UBE2O: variants seen among roughly 807,000 people sequenced by gnomAD.
UBE2O encodes the protein (E3-independent) E2 ubiquitin-conjugating enzyme.
A neutral mutation model predicts 125.8 loss-of-function variants in UBE2O; 15 were observed. The observed-to-expected ratio is 0.12, with a 90% CI of 0.08 to 0.18. The LOEUF is 0.18. Among genes scored for constraint, UBE2O ranks in the 10% least tolerant of loss-of-function variants. UBE2O has a pLI of 1.00. For missense variants in UBE2O, 1,280 were observed against 1,723.6 expected (o/e 0.74, Z 4.56); for synonymous variants, 708 against 703.2 (o/e 1.01, Z -0.11).
At chr17:76,422,983 C>T (rs1001565968) in intron 1 of UBE2O, among the ~76,000 whole-genome samples, 3 of 152,232 alleles carry the variant, frequency 2.0e-5, no homozygotes, top group Admixed American at 2.0e-4. Context: ...ATGCCTGATG[C>T]TGCTGAGAGA....
rs1395403577 is a variant in UBE2O, at chr17:76,404,629, T to A, written c.588+577A>T. Among the ~76,000 whole-genome samples, 3 of 152,204 alleles carry A rather than the reference T, an allele frequency of 2.0e-5. No individual in the cohort carries two copies. ...GTAATTATCAACGTTGATTTCCCAA[T>A]CTGGGGGTTATATGGTGGTTGCACA... On this transcript the variant is annotated intron_variant, in intron 3 of 17. Transcript: ENST00000319380. This position sits in a 1 kb window ranked among gnomAD's most constrained non-coding sequence, Gnocchi z 4.3.
Position 76,391,259 on chromosome 17 carries a change from C to A in UBE2O, c.3563G>T (p.Gly1188Val). Residue 1188 changes from glycine to valine, a missense_variant, in exon 18 of 18, where the codon GGA becomes GTA. Physicochemically the swap from Gly to Val is moderately radical, Grantham distance 109. Transcript: ENST00000319380. The surrounding 1 kb of genome is among the most constrained non-coding windows in gnomAD (Gnocchi z 8.4). ...GGAGGCCTCTCCTGGGGCTGGCCCT[C>A]CATCCTCAGGTTCTTGTTGGCCGGA... is the stretch of plus-strand genomic sequence containing the variant. ...SDSGQQEPED[G>V]GPAPGEASQG... 1 of 1,613,220 alleles carries A rather than the reference C, an allele frequency of 6.2e-7. No individual in the cohort carries two copies. Among genetic ancestry groups the A allele is most frequent in the South Asian group, 1.1e-5 (1 of 91,078 alleles).
chr17:76,444,341 G>A (rs1280646104), intron 1 of UBE2O, among the ~76,000 whole-genome samples: 1 of 152,198 alleles, frequency 6.6e-6, no homozygotes, highest in Non-Finnish European at 1.5e-5. Flanking sequence ...TTGGGGTCAG[G>A]AGTTCGAGAC....
Position 76,399,114 on chromosome 17 carries a change from T to G in UBE2O, c.1629-123A>C. The G allele has an allele frequency of 7.6e-7, 1 of 1,313,026 alleles. No homozygotes were observed. The highest frequency in any genetic ancestry group is 1.0e-6 in the Non-Finnish European group (1 of 972,402). The allele number at this position is 1,313,026 out of a possible 1,614,324, so 81.3% of individuals were successfully genotyped here. Reference sequence around the variant, plus strand: ...TAACCTGAAACTCTGAATCCCAGGTTGGCAGGATGAGTCTCTGGTGCACAG... The same window carrying G: ...TAACCTGAAACTCTGAATCCCAGGTGGGCAGGATGAGTCTCTGGTGCACAG... On this transcript the variant is annotated intron_variant, in intron 9 of 17. Transcript: ENST00000319380. This position sits in a 1 kb window ranked among gnomAD's most constrained non-coding sequence, Gnocchi z 6.9.
intron 1 of UBE2O, among the ~76,000 whole-genome samples, chr17:76,438,320 G>A (rs556850686): frequency 6.6e-6 from 1 of 152,156 alleles, no homozygotes; most frequent in Admixed American, 6.5e-5. Flanking sequence ...ATTTAAAAAT[G>A]GTTAAAATGG....
rs2072308823 is a variant in UBE2O, at chr17:76,400,743, C to T, written c.895-193G>A. 6.6e-6 allele frequency among the ~76,000 whole-genome samples: 1 copy of T among 152,206 alleles called. No homozygotes were observed. The highest frequency in any genetic ancestry group is 2.4e-5 in the African/African-American group (1 of 41,440). On this transcript the variant is annotated intron_variant, in intron 6 of 17. Transcript: ENST00000319380. This position sits in a 1 kb window ranked among gnomAD's most constrained non-coding sequence, Gnocchi z 4.3. ...CCAATGCCCAGGACCAGTGTCACTG[C>T]TCATACCAGCCAGGGGCCACTGGAA...
chr17:76,413,345 G>A (rs965611868), intron 1 of UBE2O, among the ~76,000 whole-genome samples: 4 of 152,070 alleles, frequency 2.6e-5, no homozygotes, highest in African/African-American at 7.2e-5. Flanking sequence ...TGCGGAAATC[G>A]TAGAATGGCA....
intron 1 of UBE2O, among the ~76,000 whole-genome samples, chr17:76,434,184 C>T (rs1412998967): frequency 6.6e-6 from 1 of 152,112 alleles, no homozygotes; most frequent in African/African-American, 2.4e-5. Flanking sequence ...GCGAAATGAC[C>T]CCGAGGATCC....
At chr17:76,419,531 A>G (rs974354211) in intron 1 of UBE2O, among the ~76,000 whole-genome samples, 2 of 152,078 alleles carry the variant, frequency 1.3e-5, no homozygotes, top group South Asian at 4.2e-4. Context: ...TCCCTGACAC[A>G]CCCTTCCTGT....
At chr17:76,441,377 G>C (rs1379073137) in intron 1 of UBE2O, among the ~76,000 whole-genome samples, 1 of 152,192 alleles carries the variant, frequency 6.6e-6, no homozygotes, top group Non-Finnish European at 1.5e-5. Context: ...CAATGGGGAG[G>C]AAGAAAGAGG....
chr17:76,395,166 G>A lies in UBE2O; in HGVS notation c.2946+559C>T, dbSNP rs1446799959. ...GCTGGGATTACAGTCGTGAGCCACC[G>A]CACCCGGCCTATTTCAAAGTAATTT... On this transcript the variant is annotated intron_variant, in intron 15 of 17. Coordinates refer to ENST00000319380, the MANE Select transcript of UBE2O (RefSeq NM_022066.4). The surrounding 1 kb of genome is among the most constrained non-coding windows in gnomAD (Gnocchi z 5.0). Among the ~76,000 whole-genome samples the A allele has an allele frequency of 1.3e-5, 2 of 151,196 alleles. No individual in the cohort carries two copies. The highest frequency in any genetic ancestry group is 2.9e-5 in the Non-Finnish European group (2 of 67,892).
rs1262201057 is a variant in UBE2O, at chr17:76,400,163, C to T, written c.1139G>A (p.Gly380Asp). 1 of 1,613,872 alleles carries T rather than the reference C, an allele frequency of 6.2e-7. No individual in the cohort carries two copies. The highest frequency in any genetic ancestry group is 1.3e-5 in the African/African-American group (1 of 74,934). ...AGGACATACCTTCTTGGCCATAGAG[C>T]CCTCCCCCTGGGCGCAGTTTTTTTC... ...CPEKNCAQGE[G>D]SMAKKVKRLL... is the part of the protein sequence containing the mutation. The change falls in exon 8 of 18, where the codon GGC becomes GAC. Residue 380 changes from glycine to aspartate, a missense_variant. Physicochemically the swap from Gly to Asp is moderately conservative, Grantham distance 94. This residue lies in a region of UBE2O where 141 missense variants were observed against 141.3 expected (regional missense o/e 1.00). Transcript: ENST00000319380. This position sits in a 1 kb window ranked among gnomAD's most constrained non-coding sequence, Gnocchi z 4.3.
chr17:76,417,539 C>G (rs1040637662), intron 1 of UBE2O, among the ~76,000 whole-genome samples: 1 of 152,182 alleles, frequency 6.6e-6, no homozygotes, highest in African/African-American at 2.4e-5. Context: ...GGTCAAAATT[C>G]TCTACCCCCT....
chr17:76,420,824 C>T (rs2072698778), intron 1 of UBE2O, among the ~76,000 whole-genome samples: 1 of 152,074 alleles, frequency 6.6e-6, no homozygotes, highest in African/African-American at 2.4e-5. Context: ...TGTCTGTGGC[C>T]ACAGAAAGCC....
rs374498059 is a variant in UBE2O, at chr17:76,417,005, TG to T, written c.418-11434del. ...GCTTCAGGGCACAGGGACCAGGTCC[TG>T]CAGGGGCCACAGAGTTGCCACTCCC... is the stretch of plus-strand genomic sequence containing the variant. On this transcript the variant is annotated intron_variant, in intron 1 of 17. Transcript: ENST00000319380. Among the ~76,000 whole-genome samples, 515 of 152,338 alleles carry T rather than the reference TG, an allele frequency of 3.4e-3. 5 individuals carry two copies. The highest frequency in any genetic ancestry group is 0.012 in the African/African-American group (490 of 41,580).
Position 76,399,731 on chromosome 17 carries a change from C to T in UBE2O, c.1346G>A (p.Gly449Asp). The T allele has an allele frequency of 6.2e-7, 1 of 1,614,200 alleles. No individual in the cohort carries two copies. Among genetic ancestry groups the T allele is most frequent in the South Asian group, 1.1e-5 (1 of 91,086 alleles). The change falls in exon 9 of 18, where the codon GGT (glycine) becomes GAT (aspartate). Residue 449 changes from glycine (G) to aspartate (D), a missense_variant. Gly to Asp is a moderately conservative substitution (Grantham distance 94). Coordinates refer to ENST00000319380, the MANE Select transcript of UBE2O (RefSeq NM_022066.4). The surrounding 1 kb of genome is among the most constrained non-coding windows in gnomAD (Gnocchi z 6.9). ...SASPVEMQDE[G>D]AEEPHEAGEQ... ...TCCTGCCTCGTGGGGCTCCTCTGCA[C>T]CCTCGTCCTGCATCTCCACTGGACT...
intron 1 of UBE2O, among the ~76,000 whole-genome samples, chr17:76,433,902 C>T (rs2072942369): frequency 6.6e-6 from 1 of 152,154 alleles, no homozygotes; most frequent in Non-Finnish European, 1.5e-5. Context: ...CGTGGCGGTG[C>T]GCGCCTACAG....
At position 76,452,863 on chromosome 17, in the gene UBE2O, C is replaced by A. The variant is rs1278650981; in HGVS notation, c.279G>T (p.Glu93Asp). The change falls in exon 1 of 18, where the codon GAG becomes GAT. Residue 93 changes from glutamate to aspartate, a missense_variant. By Grantham distance (45) the Glu-to-Asp change is conservative. This residue lies in a region of UBE2O where 188 missense variants were observed against 192.5 expected (regional missense o/e 0.98). Coordinates refer to ENST00000319380, the MANE Select transcript of UBE2O (RefSeq NM_022066.4). The surrounding 1 kb of genome is among the most constrained non-coding windows in gnomAD (Gnocchi z 4.4). ...AGCACCCCGAGCTCCCGCGGCCCTC[C>A]TCCTCGCCCTCCGAGTCCGAGTCCT... is the stretch of plus-strand genomic sequence containing the variant. ...HGEDSDSEGE[E>D]EGRGSSGCSE... 1.3e-6 allele frequency: 2 copies of A among 1,503,382 alleles called. No individual in the cohort carries two copies. The highest frequency in any genetic ancestry group is 2.9e-5 in the East Asian group (1 of 34,546). 93.1% of individuals were successfully genotyped at this position (1,503,382 alleles called of 1,614,324 possible).
chr17:76,450,899 C>T (rs2073229652), intron 1 of UBE2O, among the ~76,000 whole-genome samples: 1 of 152,268 alleles, frequency 6.6e-6, no homozygotes, highest in Non-Finnish European at 1.5e-5. Context: ...GGATTACAGG[C>T]ATGAGCTACC....
Sources: allele counts gnomAD v4.1 joint callset (sites outside exome capture counted in the v4.1 genomes callset), GRCh38; gene constraint gnomAD v4.1.1; regional missense constraint gnomAD v4.1.1; non-coding constraint Gnocchi (gnomAD v3.1); transcripts MANE v1.5; gene names NCBI Gene and HGNC (gene_info 2026-07-23, HGNC 2026-07-21).